The following KDELR3 variants were observed in gnomAD, a reference collection of about 807,000 sequenced individuals.
The protein encoded by KDELR3 is ER lumen protein-retaining receptor 3.
Under a neutral mutation model 22.7 loss-of-function variants are expected in KDELR3, and 26 were observed. That is an observed-to-expected ratio of 1.15 (90% CI 0.84 to 1.59). The LOEUF (loss-of-function observed/expected upper bound fraction) is 1.59. Among genes scored for constraint, KDELR3 ranks in the 40% most tolerant of loss-of-function variants. The probability of loss-of-function intolerance (pLI) is 0.00; values close to 1 mark genes in which losing one functional copy is unlikely to be tolerated. For synonymous variants in KDELR3, 120 were observed against 98.2 expected (o/e 1.22, Z -1.31); for missense variants, 289 against 251.1 (o/e 1.15, Z -1.02).
At chr22:38,476,864 T>G (rs960777787) in intron 2 of KDELR3, among the ~76,000 whole-genome samples, 57 of 134,598 alleles carry the variant, frequency 4.2e-4, no homozygotes, top group African/African-American at 1.6e-3. Flanking sequence ...TGGAGTGCAG[T>G]GGCACGATCT....
At chr22:38,470,939 T>A (rs1047648124) in intron 1 of KDELR3, among the ~76,000 whole-genome samples, 10 of 150,154 alleles carry the variant, frequency 6.7e-5, no homozygotes, top group Non-Finnish European at 1.3e-4. Context: ...AGGTCAGGAG[T>A]TCAAGACCAG....
intron 1 of KDELR3, among the ~76,000 whole-genome samples, chr22:38,469,374 G>C (rs539802461): frequency 7.5e-4 from 114 of 152,306 alleles, no homozygotes; most frequent in Admixed American, 1.7e-3. Context: ...TTCATGGTTT[G>C]GGAGCCGGGA....
At position 38,482,667 on chromosome 22, in the gene KDELR3, A is replaced by G; in HGVS notation, c.*131A>G. On this transcript the variant is annotated 3_prime_UTR_variant, in exon 5 of 5. Coordinates refer to ENST00000216014, the MANE Select transcript of KDELR3 (RefSeq NM_006855.4). ...AAAAGTGTTTAGTGTGGATTTCAGCAAAACCTGATCATCCCACCCAGAAGA... is the reference window on the plus strand; with the variant it reads ...AAAAGTGTTTAGTGTGGATTTCAGCGAAACCTGATCATCCCACCCAGAAGA... 1.3e-6 allele frequency: 1 copy of G among 775,314 alleles called. No homozygotes were observed. Among genetic ancestry groups the G allele is most frequent in the East Asian group, 2.6e-5 (1 of 37,784 alleles). The allele number at this position is 775,314 out of a possible 1,614,324, so 48.0% of individuals were successfully genotyped here. A position where few individuals can be genotyped will look rare whatever the true frequency, so the allele number is the denominator to read the frequency against.
At chr22:38,474,076 G>A (rs1265949063) in intron 1 of KDELR3, among the ~76,000 whole-genome samples, 1 of 152,140 alleles carries the variant, frequency 6.6e-6, no homozygotes, top group East Asian at 1.9e-4. Context: ...TGCCTGCTCT[G>A]GTCTCCCTGG....
intron 1 of KDELR3, among the ~76,000 whole-genome samples, chr22:38,470,495 G>A (rs1304689155): frequency 6.6e-6 from 1 of 152,166 alleles, no homozygotes; most frequent in Non-Finnish European, 1.5e-5. Context: ...AGTACTATGG[G>A]AACAGAAAAA....
intron 1 of KDELR3, among the ~76,000 whole-genome samples, chr22:38,468,792 C>T (rs900721082): frequency 2.2e-4 from 33 of 152,294 alleles, no homozygotes; most frequent in Admixed American, 6.5e-4. Context: ...TGTGTGGCAC[C>T]GGTGGCTGTG....
intron 2 of KDELR3, among the ~76,000 whole-genome samples, chr22:38,476,242 C>T (rs1400314571): frequency 4.6e-5 from 7 of 150,988 alleles, no homozygotes; most frequent in African/African-American, 1.2e-4. Context: ...TTTTTTGAGA[C>T]GGAGTCTCGC....
intron 1 of KDELR3, among the ~76,000 whole-genome samples, chr22:38,470,655 A>C (rs1445256616): frequency 6.6e-6 from 1 of 151,938 alleles, no homozygotes; most frequent in East Asian, 1.9e-4. Context: ...TCGCTGTGTG[A>C]CCCTGGGCCT....
At chr22:38,468,368 C>T (rs2089500959) in intron 1 of KDELR3, 44 bp downstream of exon 1, 6 of 1,572,138 alleles carry the variant, frequency 3.8e-6, no homozygotes, top group African/African-American at 1.4e-5. Context: ...CCTCTCTGGC[C>T]AGCCTCATGC....
Position 38,482,697 on chromosome 22 carries a change from CTCA to C in KDELR3, c.*165_*167del, listed in dbSNP as rs1178826858. ...CTGATCATCCCACCCAGAAGACCTTCTCATCAATAGATCGCCCTTAAAGACCCA... is the reference window on the plus strand; with the variant it reads ...CTGATCATCCCACCCAGAAGACCTTCTCAATAGATCGCCCTTAAAGACCCA... On this transcript the variant is annotated 3_prime_UTR_variant, in exon 5 of 5. Transcript: ENST00000216014. 1 of 645,040 alleles carries C rather than the reference CTCA, an allele frequency of 1.6e-6. No homozygotes were observed. Among genetic ancestry groups the C allele is most frequent in the African/African-American group, 1.8e-5 (1 of 54,830 alleles). 40.0% of individuals were successfully genotyped at this position (645,040 alleles called of 1,614,324 possible).
chr22:38,469,006 C>G (rs1484673304), intron 1 of KDELR3, among the ~76,000 whole-genome samples: 1 of 152,248 alleles, frequency 6.6e-6, no homozygotes. Flanking sequence ...CTTTGTCCAC[C>G]GGCATCCTCG....
rs539519883 is a variant in KDELR3, at chr22:38,480,283, A to G, written c.351+532A>G. Among the ~76,000 whole-genome samples the G allele has an allele frequency of 2.6e-4, 40 of 152,170 alleles. No homozygotes were observed. The South Asian group carries it at 8.3e-3, about 32-fold the overall frequency. Reference sequence around the variant, plus strand: ...CTCAGCTTCCCAAGTAACTGGGATTATAGGCACGAGCCACCACACTCAGCT... The same window carrying G: ...CTCAGCTTCCCAAGTAACTGGGATTGTAGGCACGAGCCACCACACTCAGCT... On this transcript the variant is annotated intron_variant, in intron 3 of 4. Coordinates refer to ENST00000216014, the MANE Select transcript of KDELR3 (RefSeq NM_006855.4).
Position 38,482,498 on chromosome 22 carries a change from C to T in KDELR3, c.607C>T (p.Leu203Phe). The T allele has an allele frequency of 2.5e-6, 4 of 1,611,752 alleles. No homozygotes were observed. In the South Asian group the frequency reaches 3.3e-5, roughly 13 times the overall value. Residue 203 changes from leucine (L) to phenylalanine (F), a missense_variant and splice_region_variant, in exon 5 of 5, where the codon CTT becomes TTT. Coordinates refer to ENST00000216014, the MANE Select transcript of KDELR3 (RefSeq NM_006855.4). The stretch of plus-strand genomic sequence containing the variant: ...ATTTCATCTCCATTTTCTTCCAGTC[C>T]TTAAGGGAAAGAAGTTAAGTCTTCC... Reference protein sequence around the residue: ...DFFYLYVTKVLKGKKLSLPMP... With the variant: ...DFFYLYVTKVFKGKKLSLPMP...
In KDELR3 at chr22:38,468,119, AG is replaced by A; in HGVS notation, c.-113del. The A allele has an allele frequency of 1.2e-6, 1 of 859,628 alleles. No individual in the cohort carries two copies. The highest frequency in any genetic ancestry group is 1.9e-6 in the Non-Finnish European group (1 of 531,166). 53.3% of individuals were successfully genotyped at this position (859,628 alleles called of 1,614,324 possible). On this transcript the variant is annotated 5_prime_UTR_variant, in exon 1 of 5. Coordinates refer to ENST00000216014, the MANE Select transcript of KDELR3 (RefSeq NM_006855.4). ...GTGCGATCGCGGAGCTGTGAGGCGCAGGCAGGGCTCTGGGGCACCTAGAGAC... is the reference window on the plus strand; with the variant it reads ...GTGCGATCGCGGAGCTGTGAGGCGCAGCAGGGCTCTGGGGCACCTAGAGAC...
At chr22:38,474,188 A>T (rs2089542638) in intron 1 of KDELR3, 3 of 243,050 alleles carry the variant, frequency 1.2e-5, no homozygotes, top group Non-Finnish European at 2.4e-5. Context: ...AGCCTCAACA[A>T]CCCCCACCAA....
At chr22:38,469,850 C>T (rs532770306) in intron 1 of KDELR3, among the ~76,000 whole-genome samples, 76 of 152,304 alleles carry the variant, frequency 5.0e-4, no homozygotes, top group Non-Finnish European at 8.8e-4. Flanking sequence ...AACAGAGTTT[C>T]GCTTTGTCCC....
chr22:38,468,204 GGC>G lies in KDELR3; in HGVS notation c.-26_-25del. 6.2e-7 allele frequency: 1 copy of G among 1,607,486 alleles called. No homozygotes were observed. The highest frequency in any genetic ancestry group is 8.5e-7 in the Non-Finnish European group (1 of 1,174,460). On this transcript the variant is annotated 5_prime_UTR_variant, in exon 1 of 5. Coordinates refer to ENST00000216014, the MANE Select transcript of KDELR3 (RefSeq NM_006855.4). ...CAGAAAGTTTCCTAGAAGTTTGCTGGGCGCGGGCGCACGACTGACTGGCTGGA... is the reference window on the plus strand; with the variant it reads ...CAGAAAGTTTCCTAGAAGTTTGCTGGGCGGGCGCACGACTGACTGGCTGGA...
In KDELR3 at chr22:38,476,715, G is replaced by A. The variant is rs547917032; in HGVS notation, c.192+2092G>A. Among the ~76,000 whole-genome samples the A allele has an allele frequency of 1.1e-4, 17 of 151,246 alleles. No individual in the cohort carries two copies. In the East Asian group the frequency reaches 2.2e-3, roughly 19 times the overall value. On this transcript the variant is annotated intron_variant, in intron 2 of 4. Transcript: ENST00000216014. ...ACTTTTTGTATTTTTTGATAGAGAC[G>A]GGGTTTCACTATGTTGGCCAGGCTG...
Position 38,482,485 on chromosome 22 carries a change from T to C in KDELR3, c.605-11T>C, listed in dbSNP as rs1482511438. ...ATGGTAAATTCTTATTTCATCTCCATTTTCTTCCAGTCCTTAAGGGAAAGA... is the reference window on the plus strand; with the variant it reads ...ATGGTAAATTCTTATTTCATCTCCACTTTCTTCCAGTCCTTAAGGGAAAGA... On this transcript the variant is annotated splice_polypyrimidine_tract_variant and intron_variant, in intron 4 of 4. Transcript: ENST00000216014. 3.7e-6 allele frequency: 6 copies of C among 1,607,788 alleles called. No homozygotes were observed. The highest frequency in any genetic ancestry group is 2.2e-5 in the East Asian group (1 of 44,856).
Sources: allele counts gnomAD v4.1 joint callset (sites outside exome capture counted in the v4.1 genomes callset), GRCh38; gene constraint gnomAD v4.1.1; transcripts MANE v1.5; gene names NCBI Gene and HGNC (gene_info 2026-07-23, HGNC 2026-07-21).